Variants in APPBP2 observed in about 807,000 individuals in gnomAD.
APPBP2 encodes amyloid protein-binding protein 2.
Under a neutral mutation model 76.0 loss-of-function variants are expected in APPBP2, and 15 were observed. That is an observed-to-expected ratio of 0.20 (90% CI 0.13 to 0.30). APPBP2 has a LOEUF of 0.30. APPBP2 is among the 10% of genes least tolerant of loss of function. The pLI is 1.00. For missense variants in APPBP2, 401 were observed against 687.2 expected (o/e 0.58, Z 4.66); for synonymous variants, 222 against 242.2 (o/e 0.92, Z 0.77).
intron 4 of APPBP2, 36 bp downstream of exon 4, chr17:60,479,112 T>G: frequency 6.3e-7 from 1 of 1,597,334 alleles, no homozygotes. Flanking sequence ...CTAAATACTG[T>G]TATAGCACGT....
At chr17:60,486,062 G>A (rs2090674931) in intron 3 of APPBP2, among the ~76,000 whole-genome samples, 2 of 152,300 alleles carry the variant, frequency 1.3e-5, no homozygotes, top group South Asian at 4.1e-4. Context: ...AGGTCTGAGA[G>A]ACAGTTTGTT....
intron 1 of APPBP2, among the ~76,000 whole-genome samples, chr17:60,511,581 TG>T (rs2090913867): frequency 2.1e-5 from 3 of 143,816 alleles, no homozygotes; most frequent in South Asian, 2.2e-4. Flanking sequence ...AAGACTCCAT[TG>T]AAAAAAAAAA....
Position 60,500,506 on chromosome 17 carries a change from G to C in APPBP2, c.139-19C>G. 6.4e-7 allele frequency: 1 copy of C among 1,568,458 alleles called. No individual in the cohort carries two copies. Among genetic ancestry groups the C allele is most frequent in the Non-Finnish European group, 8.6e-7 (1 of 1,158,570 alleles). On this transcript the variant is annotated intron_variant, in intron 1 of 12. Coordinates refer to ENST00000083182, the MANE Select transcript of APPBP2 (RefSeq NM_006380.5). ...GGTAAAGCTGAAATAAAAAACAAAT[G>C]ATTTAAAAATTTTGCAATTTAATTC...
At position 60,447,550 on chromosome 17, in the gene APPBP2, G is replaced by C. The variant is rs200845257; in HGVS notation, c.*31C>G. The C allele has an allele frequency of 1.2e-3, 1,938 of 1,567,200 alleles. 3 individuals are homozygous for C. Among genetic ancestry groups the C allele is most frequent in the Non-Finnish European group, 1.5e-3 (1,763 of 1,158,046 alleles). ...ACAGTATGAATTCCCTGGAATCCGG[G>C]AAAAGGTAATTGGTTAACTGAGGTC... On this transcript the variant is annotated 3_prime_UTR_variant, in exon 13 of 13. Coordinates refer to ENST00000083182, the MANE Select transcript of APPBP2 (RefSeq NM_006380.5).
chr17:60,443,840 A>G lies in APPBP2; in HGVS notation c.*3741T>C, dbSNP rs2090322777. ...ATTAAAGAATAGTATTATGCAATAA[A>G]TCCTAAAGCACACTCCTTCTGATTA... On this transcript the variant is annotated 3_prime_UTR_variant, in exon 13 of 13. Transcript: ENST00000083182. 6.5e-6 allele frequency: 1 copy of G among 152,678 alleles called. No homozygotes were observed. Among genetic ancestry groups the G allele is most frequent in the Admixed American group, 6.5e-5 (1 of 15,282 alleles). 9.5% of individuals were successfully genotyped at this position (152,678 alleles called of 1,614,324 possible).
intron 1 of APPBP2, among the ~76,000 whole-genome samples, chr17:60,507,293 C>G (rs8071257): frequency 0.082 from 12,392 of 151,528 alleles, 1,675 homozygotes; most frequent in African/African-American, 0.28. Flanking sequence ...AAAATCTTGA[C>G]TCACTTCAAC....
In APPBP2 at chr17:60,461,918, AT is replaced by A. The variant is rs749926109; in HGVS notation, c.831-4del. 14 of 1,611,394 alleles carry A rather than the reference AT, an allele frequency of 8.7e-6. No homozygotes were observed. The highest frequency in any genetic ancestry group is 1.0e-5 in the Non-Finnish European group (12 of 1,178,126). On this transcript the variant is annotated splice_polypyrimidine_tract_variant and splice_region_variant and intron_variant, in intron 7 of 12. Transcript: ENST00000083182. ...GGTGTTTGGATCCAAAATGATCCCT[AT>A]AAAAAGACACAAAATTATTAGGATA...
chr17:60,474,125 A>C (rs2090572204), intron 4 of APPBP2, among the ~76,000 whole-genome samples: 1 of 152,062 alleles, frequency 6.6e-6, no homozygotes, highest in East Asian at 1.9e-4. Flanking sequence ...TAAAACTATA[A>C]GGTCATGACC....
rs1396638116 is a variant in APPBP2 at position 60,443,383 on chromosome 17, G to A, written c.*4198C>T. On this transcript the variant is annotated 3_prime_UTR_variant, in exon 13 of 13. Coordinates refer to ENST00000083182, the MANE Select transcript of APPBP2 (RefSeq NM_006380.5). ...TAGATATTTCTATAGAAATTATTGT[G>A]GCACTATTAGTGGGGATTTTCACGT... 6.6e-6 allele frequency: 1 copy of A among 152,502 alleles called. No individual in the cohort carries two copies. The highest frequency in any genetic ancestry group is 1.5e-5 in the Non-Finnish European group (1 of 68,004). The allele number at this position is 152,502 out of a possible 1,614,324, so 9.4% of individuals were successfully genotyped here.
At chr17:60,507,263 C>T (rs2143472934) in intron 1 of APPBP2, among the ~76,000 whole-genome samples, 1 of 151,850 alleles carries the variant, frequency 6.6e-6, no homozygotes, top group Admixed American at 6.6e-5. Context: ...ATTCCATCAC[C>T]CAAGCTAGAG....
chr17:60,473,743 T>C (rs2090569768), intron 4 of APPBP2, among the ~76,000 whole-genome samples: 1 of 152,226 alleles, frequency 6.6e-6, no homozygotes, highest in South Asian at 2.1e-4. Flanking sequence ...AAATCGCTTT[T>C]CCTCCTCACA....
At chr17:60,470,661 T>A (rs1376813451) in intron 4 of APPBP2, among the ~76,000 whole-genome samples, 2 of 152,124 alleles carry the variant, frequency 1.3e-5, no homozygotes, top group Admixed American at 1.3e-4. Flanking sequence ...CACTGCAACC[T>A]CTGCCTCCTG....
intron 10 of APPBP2, among the ~76,000 whole-genome samples, chr17:60,455,840 C>T (rs1598347080): frequency 1.3e-5 from 2 of 150,212 alleles, no homozygotes; most frequent in South Asian, 2.1e-4. Flanking sequence ...TGCAGTGGCA[C>T]GATCTTGGCT....
chr17:60,512,373 TTTA>T (rs942852482), intron 1 of APPBP2, among the ~76,000 whole-genome samples: 34 of 151,848 alleles, frequency 2.2e-4, no homozygotes, highest in African/African-American at 7.5e-4. Context: ...AAAGAGGTGT[TTTA>T]TTATTTTGAG....
At chr17:60,524,988 G>A (rs1224134209) in intron 1 of APPBP2, among the ~76,000 whole-genome samples, 3 of 152,184 alleles carry the variant, frequency 2.0e-5, no homozygotes, top group African/African-American at 7.2e-5. Flanking sequence ...CCACATCTAA[G>A]GACACTTACC....
chr17:60,474,686 T>C (rs2090576791), intron 4 of APPBP2, among the ~76,000 whole-genome samples: 1 of 152,226 alleles, frequency 6.6e-6, no homozygotes. Flanking sequence ...TGTAATAGGT[T>C]TGACGTGGTA....
At chr17:60,513,688 C>G in intron 1 of APPBP2, 1 of 170,568 alleles carries the variant, frequency 5.9e-6, no homozygotes, top group Non-Finnish European at 1.2e-5. Context: ...ATGGTGAAAC[C>G]CCATTTCTAC....
intron 3 of APPBP2, among the ~76,000 whole-genome samples, chr17:60,485,134 C>T (rs953756241): frequency 7.9e-5 from 12 of 152,072 alleles, no homozygotes; most frequent in African/African-American, 2.7e-4. Flanking sequence ...ATTTTCGCAT[C>T]GATGTTCATC....
At chr17:60,521,354 C>T (rs1391362100) in intron 1 of APPBP2, among the ~76,000 whole-genome samples, 1 of 152,208 alleles carries the variant, frequency 6.6e-6, no homozygotes, top group African/African-American at 2.4e-5. Context: ...CTGTTTATAA[C>T]ATCTACAGTA....
Sources: gnomAD v4.1 joint callset for allele counts (sites outside exome capture counted in the v4.1 genomes callset) on GRCh38, gnomAD v4.1.1 for gene constraint, MANE v1.5 for transcripts, NCBI Gene and HGNC (gene_info 2026-07-23, HGNC 2026-07-21) for gene names.